Variants in BRINP1 observed in about 807,000 individuals in gnomAD.
BRINP1 encodes BMP/retinoic acid inducible neural specific 1, also known as BMP/retinoic acid-inducible neural-specific protein 1.
BRINP1 carries 17 observed loss-of-function variants against 72.9 expected under a neutral mutation model. That is an observed-to-expected ratio of 0.23 (90% CI 0.16 to 0.35). The LOEUF is 0.35. Among genes scored for constraint, BRINP1 ranks in the 10% least tolerant of loss-of-function variants. BRINP1 has a pLI of 1.00. For synonymous variants in BRINP1, 418 were observed against 378.5 expected, an observed-to-expected ratio of 1.10 and a Z score of -1.21; for missense variants, 850 against 1,001.6, an observed-to-expected ratio of 0.85 and a Z score of 2.04.
intron 7 of BRINP1, among the ~76,000 whole-genome samples, chr9:119,198,289 A>T (rs1161131771): frequency 6.6e-6 from 1 of 152,224 alleles, no homozygotes; most frequent in Admixed American, 6.5e-5. Flanking sequence ...AATTTCGTCC[A>T]ACAAAGAGCC....
intron 4 of BRINP1, 146 bp downstream of exon 4, chr9:119,241,900 AT>A: frequency 1.3e-6 from 1 of 779,836 alleles, no homozygotes; most frequent in Admixed American, 2.6e-5. Context: ...GTATGTGACA[AT>A]ATCAGTCAAA....
chr9:119,286,525 C>T (rs1214086066), intron 2 of BRINP1, among the ~76,000 whole-genome samples: 3 of 152,246 alleles, frequency 2.0e-5, no homozygotes, highest in East Asian at 1.9e-4. Flanking sequence ...TGAGCCACTG[C>T]GCCCGGCCAT....
chr9:119,197,877 C>CT (rs1181108026), intron 7 of BRINP1, among the ~76,000 whole-genome samples: 62 of 152,088 alleles, frequency 4.1e-4, no homozygotes, highest in Non-Finnish European at 8.2e-4. Context: ...ATGTGAATTG[C>CT]TTTTTTCTGT....
At position 119,249,006 on chromosome 9, in the gene BRINP1, G is replaced by A; in HGVS notation, c.363C>T (p.Ile121=). The change falls in exon 3 of 8, where the codon ATC becomes ATT. Residue 121 remains isoleucine (I), a synonymous_variant. Coordinates refer to ENST00000265922, the MANE Select transcript of BRINP1 (RefSeq NM_014618.3). ...GCAGGTGGGTGCCGTACTTTTTGAT[G>A]ATGGTATCGATGAACTGCTGAGTGG... ...RPTTQQFIDT[I]IKKYGTHLLI... The A allele has an allele frequency of 1.2e-6, 2 of 1,614,052 alleles. No individual in the cohort carries two copies. The highest frequency in any genetic ancestry group is 8.5e-7 in the Non-Finnish European group (1 of 1,179,962).
At chr9:119,185,602 C>T (rs1564212161) in intron 7 of BRINP1, among the ~76,000 whole-genome samples, 1 of 152,128 alleles carries the variant, frequency 6.6e-6, no homozygotes. Flanking sequence ...CACTGAAGTA[C>T]AGTAAGGGGG....
At chr9:119,237,501 T>C (rs1398350647) in intron 5 of BRINP1, among the ~76,000 whole-genome samples, 1 of 151,954 alleles carries the variant, frequency 6.6e-6, no homozygotes, top group African/African-American at 2.4e-5. Context: ...TAGCTGGGAC[T>C]ACAGGCGCCT....
At chr9:119,322,957 T>C (rs1189760472) in intron 1 of BRINP1, among the ~76,000 whole-genome samples, 1 of 152,178 alleles carries the variant, frequency 6.6e-6, no homozygotes, top group Non-Finnish European at 1.5e-5. Flanking sequence ...ACAGCTACCA[T>C]ATTCCAAACA....
In BRINP1 at chr9:119,242,117, G is replaced by A. The variant is rs949172669; in HGVS notation, c.509C>T (p.Ser170Phe). ...SVEALHQLAS[S>F]YFVDRDGTMR... ...GGTACCATCACGGTCAACAAAGTAG[G>A]ATGATGCGAGCTGGTGCAGAGCTTC... The change falls in exon 4 of 8, where the codon TCC (serine) becomes TTC (phenylalanine). Residue 170 changes from serine (S) to phenylalanine (F), a missense_variant. Physicochemically the swap from Ser to Phe is radical, Grantham distance 155. Transcript: ENST00000265922. The A allele has an allele frequency of 6.2e-7, 1 of 1,613,990 alleles. No individual in the cohort carries two copies. Among genetic ancestry groups the A allele is most frequent in the Non-Finnish European group, 8.5e-7 (1 of 1,180,012 alleles).
chr9:119,367,815 A>T (rs764481344), intron 1 of BRINP1, among the ~76,000 whole-genome samples: 1 of 150,374 alleles, frequency 6.7e-6, no homozygotes, highest in Non-Finnish European at 1.5e-5. Context: ...GTACTGAAAC[A>T]CTCTCTCTCT....
chr9:119,170,900 G>T (rs1829400121), intron 7 of BRINP1, among the ~76,000 whole-genome samples: 1 of 144,678 alleles, frequency 6.9e-6, no homozygotes, highest in Admixed American at 6.8e-5. Context: ...AAGTGAAGGA[G>T]AAATAAAATA....
intron 5 of BRINP1, among the ~76,000 whole-genome samples, chr9:119,227,123 C>A (rs999765984): frequency 6.6e-6 from 1 of 151,978 alleles, no homozygotes; most frequent in Non-Finnish European, 1.5e-5. Flanking sequence ...ATTTTATGAA[C>A]CCTCTTGGTT....
At chr9:119,355,530 C>T (rs1434677993) in intron 1 of BRINP1, among the ~76,000 whole-genome samples, 3 of 152,050 alleles carry the variant, frequency 2.0e-5, no homozygotes, top group South Asian at 2.1e-4. Flanking sequence ...AGATTGAGAC[C>T]ATCCTGGCTA....
chr9:119,367,472 C>A (rs1336088685), intron 1 of BRINP1, among the ~76,000 whole-genome samples: 3 of 151,844 alleles, frequency 2.0e-5, no homozygotes, highest in Admixed American at 6.6e-5. Context: ...CAGTAAAACT[C>A]AGCATTTTTG....
At position 119,167,001 on chromosome 9, in the gene BRINP1, G is replaced by T; in HGVS notation, c.*83C>A. On this transcript the variant is annotated 3_prime_UTR_variant, in exon 8 of 8. Coordinates refer to ENST00000265922, the MANE Select transcript of BRINP1 (RefSeq NM_014618.3). The surrounding 1 kb of genome is among the most constrained non-coding windows in gnomAD (Gnocchi z 4.3). ...TTAATTACATTTTACAAATTTTTGT[G>T]GGTTTTTTTGTTTTGTTTTGCTTCA... 1 of 1,389,066 alleles carries T rather than the reference G, an allele frequency of 7.2e-7. No homozygotes were observed. The highest frequency in any genetic ancestry group is 1.5e-5 in the South Asian group (1 of 67,904). 86.0% of individuals were successfully genotyped at this position (1,389,066 alleles called of 1,614,324 possible).
intron 2 of BRINP1, among the ~76,000 whole-genome samples, chr9:119,281,860 A>G (rs1411722818): frequency 6.6e-6 from 1 of 152,150 alleles, no homozygotes; most frequent in African/African-American, 2.4e-5. Flanking sequence ...GCTTTGCAGT[A>G]TTACAAGAAT....
intron 7 of BRINP1, among the ~76,000 whole-genome samples, chr9:119,197,840 A>C (rs975811213): frequency 2.0e-5 from 3 of 152,264 alleles, no homozygotes; most frequent in African/African-American, 7.2e-5. Flanking sequence ...TGAAATAACT[A>C]AATTAAAACT....
intron 7 of BRINP1, among the ~76,000 whole-genome samples, chr9:119,195,274 GAATA>G (rs1829725276): frequency 6.6e-6 from 1 of 152,104 alleles, no homozygotes; most frequent in Admixed American, 6.6e-5. Flanking sequence ...TTTGTTGAAT[GAATA>G]AATGAATGAA....
intron 1 of BRINP1, among the ~76,000 whole-genome samples, chr9:119,355,879 C>T (rs1246269948): frequency 1.3e-5 from 2 of 152,138 alleles, no homozygotes; most frequent in African/African-American, 4.8e-5. Context: ...GATAACATTT[C>T]TTCTTCACAG....
intron 7 of BRINP1, among the ~76,000 whole-genome samples, chr9:119,200,612 G>A (rs57183880): frequency 0.56 from 80,971 of 144,354 alleles, 24,664 homozygotes; most frequent in African/African-American, 0.81. Flanking sequence ...TGACAGGGCA[G>A]GACTCTGCCT....
Sources: allele counts gnomAD v4.1 joint callset (sites outside exome capture counted in the v4.1 genomes callset), GRCh38; gene constraint gnomAD v4.1.1; non-coding constraint Gnocchi (gnomAD v3.1); transcripts MANE v1.5; gene names NCBI Gene and HGNC (gene_info 2026-07-23, HGNC 2026-07-21).